MTHFD2L: variants seen among roughly 807,000 people sequenced by gnomAD.
MTHFD2L encodes methylenetetrahydrofolate dehydrogenase (NADP+ dependent) 2 like, also known as bifunctional methylenetetrahydrofolate dehydrogenase/cyclohydrolase 2, mitochondrial.
Under a neutral mutation model 34.9 loss-of-function variants are expected in MTHFD2L, and 29 were observed. The observed-to-expected ratio is 0.83, with a 90% CI of 0.62 to 1.13. The LOEUF (loss-of-function observed/expected upper bound fraction) is 1.13, where lower values mean the gene tolerates loss of function less well. Ranked by LOEUF, MTHFD2L falls within the 50% of genes most tolerant of loss-of-function variation. The probability of loss-of-function intolerance (pLI) is 0.00; values close to 1 mark genes in which losing one functional copy is unlikely to be tolerated. For missense variants in MTHFD2L, 481 were observed against 446.5 expected, an observed-to-expected ratio of 1.08 and a Z score of -0.70; for synonymous variants, 167 against 155.7, an observed-to-expected ratio of 1.07 and a Z score of -0.54.
chr4:74,130,231 T>C, intron 1 of MTHFD2L, among the ~76,000 whole-genome samples: 1 of 152,142 alleles, frequency 6.6e-6, no homozygotes. Context: ...CCCTAACTCA[T>C]TTTATGAGGT....
At chr4:74,134,657 T>C (rs1722780025) in intron 1 of MTHFD2L, among the ~76,000 whole-genome samples, 1 of 152,110 alleles carries the variant, frequency 6.6e-6, no homozygotes, top group South Asian at 2.1e-4. Context: ...AGATGGCGAT[T>C]TGTGAACTCT....
intron 6 of MTHFD2L, among the ~76,000 whole-genome samples, chr4:74,250,037 T>C (rs965337351): frequency 5.9e-5 from 9 of 152,010 alleles, no homozygotes; most frequent in Non-Finnish European, 2.9e-5. Flanking sequence ...CCTTGCTAGA[T>C]TGGGAAAGTT....
In MTHFD2L at chr4:74,278,442, A is replaced by G. The variant is rs78547216; in HGVS notation, c.806-2983A>G. ...TGTCCAATTTGATGTCATTTGCAAT[A>G]TGGGCTATGTAGCTACTGGTATGTT... On this transcript the variant is annotated intron_variant, in intron 6 of 7. Coordinates refer to ENST00000325278, the MANE Select transcript of MTHFD2L (RefSeq NM_001144978.3). Among the ~76,000 whole-genome samples, 792 of 152,220 alleles carry G rather than the reference A, an allele frequency of 5.2e-3. 3 individuals carry two copies. Among genetic ancestry groups the G allele is most frequent in the Non-Finnish European group, 8.3e-3 (563 of 68,000 alleles).
rs1184310374 is a variant in MTHFD2L, at chr4:74,163,870, G to T, written c.143+5589G>T. ...CTATTAGGATTTTTCGTCTTTTTTTGTTTGTTTGTTTTGTTTTTTGTTTGA... is the reference window on the plus strand; with the variant it reads ...CTATTAGGATTTTTCGTCTTTTTTTTTTTGTTTGTTTTGTTTTTTGTTTGA... On this transcript the variant is annotated intron_variant, in intron 1 of 7. Transcript: ENST00000325278. Among the ~76,000 whole-genome samples, 7 of 151,968 alleles carry T rather than the reference G, an allele frequency of 4.6e-5. No individual in the cohort carries two copies. The East Asian group carries it at 1.2e-3, about 25-fold the overall frequency.
Position 74,215,288 on chromosome 4 carries a change from A to T in MTHFD2L, c.713-10014A>T, listed in dbSNP as rs1737015978. Reference sequence around the variant, plus strand: ...TAGCTTGGTGTCTGTCCAAACAGCCACCCAATTTTGTGCTTGAAACCCAGG... The same window carrying T: ...TAGCTTGGTGTCTGTCCAAACAGCCTCCCAATTTTGTGCTTGAAACCCAGG... On this transcript the variant is annotated intron_variant, in intron 5 of 7. Transcript: ENST00000325278. Among the ~76,000 whole-genome samples the T allele has an allele frequency of 1.3e-5, 2 of 151,888 alleles. 1 individual carries two copies. Among genetic ancestry groups the T allele is most frequent in the South Asian group, 4.1e-4 (2 of 4,820 alleles).
Position 74,225,363 on chromosome 4 carries a change from G to T in MTHFD2L, c.774G>T (p.Thr258=). The change falls in exon 6 of 8, where the codon ACG becomes ACT. Residue 258 remains threonine (T), a synonymous_variant. Transcript: ENST00000325278. ...YTPKEQLKIH[T]QLADIIIVAA... is the part of the protein sequence containing the mutation. ...CCAAAGAGCAACTGAAGATTCATACGCAGCTGGCAGATATTATCATAGTTG... is the reference window on the plus strand; with the variant it reads ...CCAAAGAGCAACTGAAGATTCATACTCAGCTGGCAGATATTATCATAGTTG... 1 of 1,612,976 alleles carries T rather than the reference G, an allele frequency of 6.2e-7. No homozygotes were observed.
Position 74,138,177 on chromosome 4 carries a change from T to C in MTHFD2L, c.-297+12660T>C, listed in dbSNP as rs540861613. ...CTGTCTTGTTAGGGTTAGACAATGG[T>C]TCCTTGCTTTGTCTGTTTGGGTTGG... is the stretch of plus-strand genomic sequence containing the variant. On this transcript the variant is annotated intron_variant, in intron 1 of 7. Coordinates refer to the MTHFD2L transcript ENST00000433372. Among the ~76,000 whole-genome samples the C allele has an allele frequency of 1.6e-3, 246 of 152,242 alleles. 2 individuals carry two copies. The highest frequency in any genetic ancestry group is 5.6e-3 in the African/African-American group (232 of 41,556).
intron 7 of MTHFD2L, among the ~76,000 whole-genome samples, chr4:74,300,946 T>C (rs1335117892): frequency 6.6e-6 from 1 of 152,108 alleles, no homozygotes; most frequent in African/African-American, 2.4e-5. Flanking sequence ...GTTGTTCACC[T>C]TTGTGATCTC....
At chr4:74,151,351 A>G (rs1050241695) in intron 1 of MTHFD2L, among the ~76,000 whole-genome samples, 2 of 152,226 alleles carry the variant, frequency 1.3e-5, no homozygotes, top group Non-Finnish European at 2.9e-5. Context: ...TTTTATAGTT[A>G]CAGAAGATTG....
At chr4:74,140,508 T>C (rs1359709999) in intron 1 of MTHFD2L, 11 of 923,562 alleles carry the variant, frequency 1.2e-5, no homozygotes, top group Middle Eastern at 5.5e-4. Context: ...CTCAATTATA[T>C]ATTTTTCACT....
intron 6 of MTHFD2L, among the ~76,000 whole-genome samples, chr4:74,278,013 C>T (rs1047821164): frequency 3.3e-5 from 5 of 151,996 alleles, no homozygotes; most frequent in Non-Finnish European, 5.9e-5. Flanking sequence ...ACTTATTTCA[C>T]TGAAAAATTC....
upstream of MTHFD2L, among the ~76,000 whole-genome samples, chr4:74,155,897 T>C (rs973952534): frequency 4.6e-5 from 4 of 86,486 alleles, no homozygotes; most frequent in Non-Finnish European, 9.0e-5. Flanking sequence ...GAAAAAGCCA[T>C]TCCATGTGAT....
At chr4:74,146,915 C>G (rs1180542358) in intron 1 of MTHFD2L, among the ~76,000 whole-genome samples, 1 of 151,816 alleles carries the variant, frequency 6.6e-6, no homozygotes, top group African/African-American at 2.4e-5. Context: ...TCTGCTTGAC[C>G]TATTCTGCTG....
At chr4:74,201,454 CTTA>C (rs1734416951) in intron 5 of MTHFD2L, 84 bp downstream of exon 5, 3 of 972,790 alleles carry the variant, frequency 3.1e-6, no homozygotes, top group East Asian at 5.1e-5. Context: ...GATAATGCAG[CTTA>C]TTATATTTGT....
chr4:74,254,811 A>T (rs1578629719), intron 6 of MTHFD2L, among the ~76,000 whole-genome samples: 1 of 99,594 alleles, frequency 1.0e-5, no homozygotes, highest in East Asian at 2.8e-4. Flanking sequence ...AGAGAACGGT[A>T]TTAAAAAAGT....
At chr4:74,116,860 C>G (rs1028642120) in intron 2 of MTHFD2L, among the ~76,000 whole-genome samples, 1 of 152,164 alleles carries the variant, frequency 6.6e-6, no homozygotes, top group Non-Finnish European at 1.5e-5. Flanking sequence ...ATATAGATAC[C>G]GTTCTATCTT....
At chr4:74,200,062 A>G (rs1734157859) in intron 4 of MTHFD2L, 116 bp downstream of exon 4, 3 of 887,072 alleles carry the variant, frequency 3.4e-6, no homozygotes, top group East Asian at 5.2e-5. Flanking sequence ...CATAATCCAT[A>G]AAACGTCAGT....
intron 6 of MTHFD2L, among the ~76,000 whole-genome samples, chr4:74,233,544 A>G (rs1740402785): frequency 6.6e-6 from 1 of 151,984 alleles, no homozygotes; most frequent in Non-Finnish European, 1.5e-5. Flanking sequence ...GTGAGCTCCT[A>G]TTGTGTGGTG....
intron 1 of MTHFD2L, among the ~76,000 whole-genome samples, chr4:74,170,210 T>C (rs547572033): frequency 2.0e-5 from 3 of 152,328 alleles, no homozygotes; most frequent in Admixed American, 1.3e-4. Flanking sequence ...CTTATGCATG[T>C]AGATGCAACA....
Sources: gnomAD v4.1 joint callset for allele counts (sites outside exome capture counted in the v4.1 genomes callset) on GRCh38, gnomAD v4.1.1 for gene constraint, MANE v1.5 for transcripts, NCBI Gene and HGNC (gene_info 2026-07-23, HGNC 2026-07-21) for gene names.